The following CADM2 variants were observed in gnomAD, a reference collection of about 807,000 sequenced individuals.
CADM2 encodes the protein cell adhesion molecule 2, also known as immunoglobulin superfamily member 4D.
In CADM2, 12 loss-of-function variants were observed where a neutral mutation model predicts 49.8. The ratio of observed to expected loss-of-function variants is 0.24; its 90% confidence interval spans 0.15 to 0.39. CADM2 has a LOEUF of 0.39. CADM2 is among the 10% of genes least tolerant of loss of function. The pLI is 1.00. For missense variants in CADM2, 378 were observed against 492.3 expected (o/e 0.77, Z 2.20); for synonymous variants, 214 against 175.4 (o/e 1.22, Z -1.74).
intron 1 of CADM2, among the ~76,000 whole-genome samples, chr3:85,005,361 T>C (rs549962083): frequency 1.3e-5 from 2 of 152,300 alleles, no homozygotes; most frequent in African/African-American, 2.4e-5. Context: ...GTTTGCCTCA[T>C]GGATCATGGC....
chr3:85,390,440 T>C (rs971200809), intron 1 of CADM2, among the ~76,000 whole-genome samples: 3 of 152,066 alleles, frequency 2.0e-5, no homozygotes, highest in African/African-American at 7.2e-5. Flanking sequence ...TATATATCTA[T>C]ATCTCAGCTT....
intron 1 of CADM2, among the ~76,000 whole-genome samples, chr3:85,215,332 T>C (rs1425503408): frequency 7.3e-6 from 1 of 137,388 alleles, no homozygotes; most frequent in Non-Finnish European, 1.5e-5. Flanking sequence ...GCTGTCTAAG[T>C]TGCAACACCA....
At chr3:85,190,507 T>G (rs1366785341) in intron 1 of CADM2, among the ~76,000 whole-genome samples, 1 of 152,172 alleles carries the variant, frequency 6.6e-6, no homozygotes, top group Non-Finnish European at 1.5e-5. Context: ...ATGGCTGTGT[T>G]GTGGTTGGAT....
chr3:85,253,187 A>G (rs1165895876), intron 1 of CADM2, among the ~76,000 whole-genome samples: 4 of 152,106 alleles, frequency 2.6e-5, no homozygotes, highest in Admixed American at 1.3e-4. Flanking sequence ...TAGCACAGCA[A>G]TACATAACTG....
At chr3:85,854,978 AAGG>A (rs1162359618) in intron 3 of CADM2, among the ~76,000 whole-genome samples, 5 of 152,128 alleles carry the variant, frequency 3.3e-5, no homozygotes, top group African/African-American at 7.2e-5. Context: ...CCATAGTAAG[AAGG>A]AGAAGTTTCC....
intron 1 of CADM2, among the ~76,000 whole-genome samples, chr3:85,240,227 TA>T (rs1366773669): frequency 6.6e-6 from 1 of 151,534 alleles, no homozygotes; most frequent in Non-Finnish European, 1.5e-5. Context: ...GGGAAATAGG[TA>T]TTTTTTTCTA....
intron 1 of CADM2, among the ~76,000 whole-genome samples, chr3:85,069,976 T>C (rs1319702367): frequency 6.6e-6 from 1 of 152,158 alleles, no homozygotes; most frequent in Non-Finnish European, 1.5e-5. Flanking sequence ...GTTTAATAAT[T>C]TCATACATCC....
At chr3:85,817,652 A>C (rs1388126633) in intron 3 of CADM2, among the ~76,000 whole-genome samples, 1 of 152,174 alleles carries the variant, frequency 6.6e-6, no homozygotes, top group Non-Finnish European at 1.5e-5. Flanking sequence ...CACTTGAATC[A>C]CAGTTCCATC....
At position 84,969,082 on chromosome 3, in the gene CADM2, G is replaced by C. The variant is rs1261087274; in HGVS notation, c.61+9414G>C. 2.0e-5 allele frequency among the ~76,000 whole-genome samples: 3 copies of C among 151,890 alleles called. No individual in the cohort carries two copies. The East Asian group carries it at 5.8e-4, about 29-fold the overall frequency. ...TTTTGTATGTGTTATCACTTAACAA[G>C]GGGGATACTTTCTTATATTACATGA... On this transcript the variant is annotated intron_variant, in intron 1 of 9. Transcript: ENST00000383699.
chr3:85,612,032 T>C (rs1371409926), intron 1 of CADM2, among the ~76,000 whole-genome samples: 2 of 151,662 alleles, frequency 1.3e-5, no homozygotes, highest in Non-Finnish European at 3.0e-5. Context: ...GATATTTAGG[T>C]TATAGTTAAG....
At chr3:85,544,618 C>T (rs954812706) in intron 1 of CADM2, among the ~76,000 whole-genome samples, 2 of 151,956 alleles carry the variant, frequency 1.3e-5, no homozygotes, top group African/African-American at 4.8e-5. Flanking sequence ...GAAAACATTG[C>T]ATGTTTAGAG....
intron 1 of CADM2, among the ~76,000 whole-genome samples, chr3:85,303,965 G>T (rs563677059): frequency 6.6e-6 from 1 of 151,904 alleles, no homozygotes; most frequent in Non-Finnish European, 1.5e-5. Flanking sequence ...CATTGAGACC[G>T]GAGGATTCAA....
intron 7 of CADM2, among the ~76,000 whole-genome samples, chr3:85,946,057 A>T (rs944327547): frequency 2.0e-5 from 3 of 152,168 alleles, no homozygotes; most frequent in Non-Finnish European, 4.4e-5. Context: ...AATCTCTTTA[A>T]GCTGATAAGC....
At chr3:85,093,599 G>A (rs578151966) in intron 1 of CADM2, among the ~76,000 whole-genome samples, 413 of 151,860 alleles carry the variant, frequency 2.7e-3, no homozygotes, top group South Asian at 6.9e-3. Flanking sequence ...ATTGATTAAG[G>A]GAAAATCAAA....
intron 2 of CADM2, among the ~76,000 whole-genome samples, chr3:85,772,566 T>A (rs2070148295): frequency 6.6e-6 from 1 of 152,096 alleles, no homozygotes; most frequent in Admixed American, 6.6e-5. Flanking sequence ...ATAAAAAGTA[T>A]AGAGTTGATT....
intron 1 of CADM2, among the ~76,000 whole-genome samples, chr3:85,684,434 C>A (rs1460893934): frequency 1.3e-5 from 2 of 151,970 alleles, no homozygotes; most frequent in African/African-American, 4.8e-5. Flanking sequence ...GGCAAGCCGG[C>A]ACACTTTGAC....
intron 1 of CADM2, among the ~76,000 whole-genome samples, chr3:85,322,015 G>A (rs2044625921): frequency 6.6e-6 from 1 of 152,134 alleles, no homozygotes; most frequent in Non-Finnish European, 1.5e-5. Context: ...AGTATGTCCA[G>A]GGAGGCAAAA....
At chr3:85,490,148 TTTAA>T (rs1450353158) in intron 1 of CADM2, among the ~76,000 whole-genome samples, 1 of 152,092 alleles carries the variant, frequency 6.6e-6, no homozygotes, top group Admixed American at 6.6e-5. Context: ...TATTTTCTTA[TTTAA>T]TTCTCGCAGA....
At chr3:85,361,770 G>A (rs1458849513) in intron 1 of CADM2, among the ~76,000 whole-genome samples, 1 of 152,118 alleles carries the variant, frequency 6.6e-6, no homozygotes, top group Non-Finnish European at 1.5e-5. Flanking sequence ...TCCCACATTA[G>A]CAAGAATTAG....
Sources: allele counts gnomAD v4.1 joint callset (sites outside exome capture counted in the v4.1 genomes callset), GRCh38; gene constraint gnomAD v4.1.1; transcripts MANE v1.5; gene names NCBI Gene and HGNC (gene_info 2026-07-23, HGNC 2026-07-21).